ACTR3C: variants seen among roughly 807,000 people sequenced by gnomAD.
ACTR3C encodes the protein actin related protein 3C, also known as actin-related protein 3C.
In ACTR3C, 18 loss-of-function variants were observed where a neutral mutation model predicts 26.3. The ratio of observed to expected loss-of-function variants is 0.68; its 90% CI spans 0.47 to 1.01. ACTR3C has a LOEUF of 1.01. ACTR3C is among the 50% of genes least tolerant of loss of function. ACTR3C has a pLI of 0.00. For missense variants in ACTR3C, 184 were observed against 250.7 expected, an observed-to-expected ratio of 0.73 and a Z score of 1.80; for synonymous variants, 55 against 94.5, an observed-to-expected ratio of 0.58 and a Z score of 2.42.
At chr7:149,927,585 G>C in the ACTR3C span, among the ~76,000 whole-genome samples, 1 of 151,516 alleles carries the variant, frequency 6.6e-6, no homozygotes, top group African/African-American at 2.4e-5. Flanking sequence ...AAAATTAGCC[G>C]GGCATAGTGG....
the ACTR3C span, among the ~76,000 whole-genome samples, chr7:149,994,458 G>T: frequency 6.6e-6 from 1 of 151,910 alleles, no homozygotes; most frequent in Admixed American, 6.6e-5. Context: ...TTAGCTGGGA[G>T]TATTGGTGTG....
the ACTR3C span, among the ~76,000 whole-genome samples, chr7:150,131,160 T>C: frequency 2.0e-5 from 3 of 152,178 alleles, no homozygotes; most frequent in Non-Finnish European, 4.4e-5. Context: ...CAAAAAAGTA[T>C]AGAAAAATTG....
chr7:149,991,059 C>T, the ACTR3C span, among the ~76,000 whole-genome samples: 3 of 152,176 alleles, frequency 2.0e-5, no homozygotes, highest in Non-Finnish European at 4.4e-5. Context: ...AATGGACTCA[C>T]AGTTCCACAT....
At chr7:150,004,886 G>A in the ACTR3C span, 1 of 152,266 alleles carries the variant, frequency 6.6e-6, no homozygotes, top group East Asian at 1.9e-4. Flanking sequence ...AGGAAATTAA[G>A]GAGACAGAGC....
At chr7:150,271,867 G>A (rs1193792902) in intron 6 of ACTR3C, among the ~76,000 whole-genome samples, 1 of 147,942 alleles carries the variant, frequency 6.8e-6, no homozygotes, top group Non-Finnish European at 1.5e-5. Context: ...AACCTTTCTT[G>A]TCTTAACACT....
chr7:149,886,402 G>T, the ACTR3C span, among the ~76,000 whole-genome samples: 1 of 152,196 alleles, frequency 6.6e-6, no homozygotes, highest in African/African-American at 2.4e-5. Context: ...TTGGAGGACG[G>T]GGGGAGGAAG....
the ACTR3C span, among the ~76,000 whole-genome samples, chr7:150,028,952 C>G: frequency 6.6e-6 from 1 of 151,750 alleles, no homozygotes; most frequent in African/African-American, 2.4e-5. Context: ...CAGGCCTTCC[C>G]TGAGGCCAGA....
At chr7:150,116,534 C>T in the ACTR3C span, among the ~76,000 whole-genome samples, 1 of 152,172 alleles carries the variant, frequency 6.6e-6, no homozygotes, top group Non-Finnish European at 1.5e-5. Flanking sequence ...TTTTAAATTA[C>T]TGCATAATTT....
chr7:150,272,793 C>A (rs1432481081), intron 6 of ACTR3C, among the ~76,000 whole-genome samples: 2 of 135,546 alleles, frequency 1.5e-5, no homozygotes, highest in Non-Finnish European at 3.0e-5. Flanking sequence ...CAGGCTCAAG[C>A]AATCCTGCTG....
chr7:150,317,344 C>T (rs542357199), intron 1 of ACTR3C, among the ~76,000 whole-genome samples: 7 of 152,292 alleles, frequency 4.6e-5, no homozygotes, highest in African/African-American at 1.4e-4. Context: ...TAGGCCACTG[C>T]GCCCAGCCTT....
At chr7:149,909,632 G>C in the ACTR3C span, 2 of 391,698 alleles carry the variant, frequency 5.1e-6, no homozygotes, top group South Asian at 9.2e-5. Context: ...ATAAACCCAA[G>C]GATAGAGCTT....
In ACTR3C at chr7:150,272,418, G is replaced by A. The variant is rs936948812; in HGVS notation, c.564+12335C>T. ...TTATGAGGATTAAAACGTTGTCTGAGCTTATTATTTTTCAACTCAAGTGAC... is the reference window on the plus strand; with the variant it reads ...TTATGAGGATTAAAACGTTGTCTGAACTTATTATTTTTCAACTCAAGTGAC... On this transcript the variant is annotated intron_variant, in intron 6 of 7. Coordinates refer to ENST00000683684, the MANE Select transcript of ACTR3C (RefSeq NM_001164458.2). 8.6e-5 allele frequency among the ~76,000 whole-genome samples: 12 copies of A among 139,348 alleles called. 3 individuals are homozygous for A. Among genetic ancestry groups the A allele is most frequent in the African/African-American group, 3.7e-4 (12 of 32,586 alleles). 91.4% of individuals were successfully genotyped at this position (139,348 alleles called of 152,430 possible). A position where few individuals can be genotyped will look rare whatever the true frequency, so the allele number is the denominator to read the frequency against.
At chr7:150,152,172 C>T in the ACTR3C span, among the ~76,000 whole-genome samples, 1 of 152,184 alleles carries the variant, frequency 6.6e-6, no homozygotes, top group East Asian at 1.9e-4. Context: ...ACTTCCAACG[C>T]TATGTTGAAT....
chr7:150,034,089 C>CACT, the ACTR3C span, among the ~76,000 whole-genome samples: 1 of 151,144 alleles, frequency 6.6e-6, no homozygotes, highest in African/African-American at 2.4e-5. Context: ...CCTCCCACCC[C>CACT]GCGATGCAGG....
At chr7:149,943,064 C>T in the ACTR3C span, among the ~76,000 whole-genome samples, 1 of 152,076 alleles carries the variant, frequency 6.6e-6, no homozygotes, top group Admixed American at 6.5e-5. Context: ...AGCTCCACTT[C>T]AGGCTACACA....
the ACTR3C span, among the ~76,000 whole-genome samples, chr7:150,190,756 T>A: frequency 1.3e-5 from 2 of 152,188 alleles, no homozygotes; most frequent in East Asian, 3.8e-4. Flanking sequence ...TACCCAGGAC[T>A]GGGTAATTTA....
chr7:150,040,016 GC>G, the ACTR3C span, among the ~76,000 whole-genome samples: 110 of 144,798 alleles, frequency 7.6e-4, 6 homozygotes, highest in African/African-American at 2.7e-3. Context: ...CAAGAGCCAG[GC>G]GGGGAAGAGG....
At chr7:150,023,243 ATCTC>A in the ACTR3C span, among the ~76,000 whole-genome samples, 1 of 107,684 alleles carries the variant, frequency 9.3e-6, no homozygotes, top group Non-Finnish European at 1.9e-5. Context: ...ATATCTCTCT[ATCTC>A]TATATAGATC....
At chr7:150,257,678 C>G (rs1163872136) in intron 6 of ACTR3C, among the ~76,000 whole-genome samples, 2 of 152,190 alleles carry the variant, frequency 1.3e-5, no homozygotes, top group Non-Finnish European at 2.9e-5. Flanking sequence ...GCCCAATACT[C>G]AGCAGAATGG....
Sources: gnomAD v4.1 joint callset for allele counts (sites outside exome capture counted in the v4.1 genomes callset) on GRCh38, gnomAD v4.1.1 for gene constraint, MANE v1.5 for transcripts, NCBI Gene and HGNC (gene_info 2026-07-23, HGNC 2026-07-21) for gene names.